TIAM1: variants seen among roughly 807,000 people sequenced by gnomAD.
The protein encoded by TIAM1 is TIAM Rac1 associated GEF 1, also known as rho guanine nucleotide exchange factor TIAM1.
In TIAM1, 65 loss-of-function variants were observed where a neutral mutation model predicts 163.5. That is an observed-to-expected ratio of 0.40 (90% CI 0.33 to 0.49). TIAM1 has a LOEUF of 0.49. Among genes scored for constraint, TIAM1 ranks in the 20% least tolerant of loss-of-function variants. TIAM1 has a pLI of 0.77. For missense variants in TIAM1, 1,789 were observed against 2,044.7 expected (o/e 0.87, Z 2.41); for synonymous variants, 833 against 810.1 (o/e 1.03, Z -0.48).
chr21:31,120,866 A>T lies in TIAM1; in HGVS notation c.4307-29T>A. 2.1e-5 allele frequency: 32 copies of T among 1,553,978 alleles called. No individual in the cohort carries two copies. Among genetic ancestry groups the T allele is most frequent in the Non-Finnish European group, 2.7e-5 (31 of 1,152,594 alleles). The stretch of plus-strand genomic sequence containing the variant: ...CACACACACACAAAAATATAAAAAT[A>T]AAACCCCCACATGCTTTACGTGAGA... On this transcript the variant is annotated intron_variant, in intron 27 of 27. Transcript: ENST00000541036. This position sits in a 1 kb window ranked among gnomAD's most constrained non-coding sequence, Gnocchi z 4.2.
At chr21:31,461,822 T>C (rs748721174) in intron 2 of TIAM1, among the ~76,000 whole-genome samples, 3 of 152,124 alleles carry the variant, frequency 2.0e-5, no homozygotes, top group African/African-American at 7.2e-5. Flanking sequence ...TGCGCTACTA[T>C]GCCTGGCTAA....
At chr21:31,306,695 T>C (rs945082820) in intron 2 of TIAM1, among the ~76,000 whole-genome samples, 3 of 152,224 alleles carry the variant, frequency 2.0e-5, no homozygotes, top group Non-Finnish European at 4.4e-5. Flanking sequence ...AGGGGCATTC[T>C]ACACAACAAC....
intron 1 of TIAM1, among the ~76,000 whole-genome samples, chr21:31,542,923 GCGCCACGGAACTC>G (rs1420139490): frequency 6.6e-6 from 1 of 152,070 alleles, no homozygotes; most frequent in Non-Finnish European, 1.5e-5. Flanking sequence ...AGCCGAGACT[GCGCCACGGAACTC>G]CAGCCTGGGT....
intron 2 of TIAM1, among the ~76,000 whole-genome samples, chr21:31,397,472 T>C (rs907252295): frequency 2.6e-5 from 4 of 152,104 alleles, no homozygotes; most frequent in African/African-American, 9.7e-5. Flanking sequence ...GAAACCAATA[T>C]ACAAAAATCT....
intron 1 of TIAM1, among the ~76,000 whole-genome samples, chr21:31,482,060 A>AGAGTGT (rs2046125466): frequency 1.4e-5 from 2 of 145,604 alleles, no homozygotes. Context: ...ACTGGGACAA[A>AGAGTGT]GTGTGTGTGT....
At chr21:31,127,380 G>C (rs1404953464) in intron 25 of TIAM1, among the ~76,000 whole-genome samples, 1 of 151,564 alleles carries the variant, frequency 6.6e-6, no homozygotes, top group Non-Finnish European at 1.5e-5. Flanking sequence ...AAATCTTCTA[G>C]ATGGTCTAAA....
chr21:31,387,951 T>C (rs1214174316), intron 2 of TIAM1, among the ~76,000 whole-genome samples: 1 of 152,076 alleles, frequency 6.6e-6, no homozygotes, highest in East Asian at 1.9e-4. Flanking sequence ...TGTGACACAA[T>C]GGTGAGTTCT....
At chr21:31,152,888 C>A (rs149439706) in intron 18 of TIAM1, 127 bp from the exon 19 acceptor site, 3 of 1,403,026 alleles carry the variant, frequency 2.1e-6, no homozygotes, top group African/African-American at 2.9e-5. Context: ...TACCAGAGAG[C>A]GGGGCAGTTT....
intron 1 of TIAM1, among the ~76,000 whole-genome samples, chr21:31,505,330 C>T (rs1412522309): frequency 6.6e-6 from 1 of 152,020 alleles, no homozygotes; most frequent in Non-Finnish European, 1.5e-5. Context: ...TAATTAGATT[C>T]TAAGACCAAG....
intron 11 of TIAM1, among the ~76,000 whole-genome samples, 154 bp from the exon 12 acceptor site, chr21:31,203,166 AG>A (rs2086288173): frequency 6.6e-6 from 1 of 152,216 alleles, no homozygotes; most frequent in Non-Finnish European, 1.5e-5. Flanking sequence ...CTTGTTGCCC[AG>A]CCTGGAGTGC....
intron 2 of TIAM1, among the ~76,000 whole-genome samples, chr21:31,441,519 T>C (rs1292458052): frequency 2.0e-5 from 3 of 152,202 alleles, no homozygotes; most frequent in Non-Finnish European, 4.4e-5. Flanking sequence ...AAGTTGGCGA[T>C]AGCAGAGCCA....
At chr21:31,129,743 G>T (rs1316848602) in intron 25 of TIAM1, among the ~76,000 whole-genome samples, 1 of 152,132 alleles carries the variant, frequency 6.6e-6, no homozygotes, top group Non-Finnish European at 1.5e-5. Context: ...ATAAAGATTT[G>T]TAATACTTTA....
rs539796779 is a variant in TIAM1, at chr21:31,451,592, C to G, written c.-369+12391G>C. ...ATGGGAAATGTGGCCAAGGACATCC[C>G]AGGAAGGACAGACAAGCTCCAAACC... On this transcript the variant is annotated intron_variant, in intron 2 of 28. Coordinates refer to the TIAM1 transcript ENST00000286827. Among the ~76,000 whole-genome samples the G allele has an allele frequency of 3.9e-5, 6 of 152,112 alleles. No homozygotes were observed. The East Asian group carries it at 1.2e-3, about 29-fold the overall frequency.
chr21:31,385,869 TTAATTATATTAGTTAATA>T lies in TIAM1; in HGVS notation c.-368-46465_-368-46448del, dbSNP rs1013896045. On this transcript the variant is annotated intron_variant, in intron 2 of 28. Coordinates refer to the TIAM1 transcript ENST00000286827. Reference sequence around the variant, plus strand: ...ATATATAATACATATTGATTATATATTAATTATATTAGTTAATATAATTATATTAGTTAATATAATTAA... The same window carrying T: ...ATATATAATACATATTGATTATATATTAATTATATTAGTTAATATAATTAA... Among the ~76,000 whole-genome samples the T allele has an allele frequency of 2.1e-3, 308 of 147,168 alleles. 1 individual carries two copies. Among genetic ancestry groups the T allele is most frequent in the African/African-American group, 6.7e-3 (271 of 40,636 alleles).
In TIAM1 at chr21:31,325,045, C is replaced by T. The variant is rs1392722257; in HGVS notation, c.-189+14198G>A. The stretch of plus-strand genomic sequence containing the variant: ...CTGTAATCCCAGCACTTTGGGAGGC[C>T]GAGGCAGGCAGATCACTTGAGCCCA... On this transcript the variant is annotated intron_variant, in intron 2 of 27. Transcript: ENST00000541036. Among the ~76,000 whole-genome samples, 4 of 151,644 alleles carry T rather than the reference C, an allele frequency of 2.6e-5. No homozygotes were observed. The East Asian group carries it at 7.7e-4, about 29-fold the overall frequency.
intron 19 of TIAM1, among the ~76,000 whole-genome samples, chr21:31,148,335 A>G (rs144670481): frequency 5.3e-4 from 80 of 152,264 alleles, no homozygotes; most frequent in African/African-American, 1.8e-3. Context: ...ATGATAGCGA[A>G]TAAGTCTCAG....
intron 2 of TIAM1, among the ~76,000 whole-genome samples, chr21:31,429,143 G>A (rs572941360): frequency 4.9e-4 from 75 of 152,124 alleles, no homozygotes; most frequent in Middle Eastern, 3.4e-3. Flanking sequence ...GGGACCACAG[G>A]TGTGCACATG....
intron 8 of TIAM1, among the ~76,000 whole-genome samples, chr21:31,218,946 A>G (rs2833340): frequency 0.096 from 14,494 of 151,738 alleles, 1,173 homozygotes; most frequent in East Asian, 0.4. Flanking sequence ...TGGGAAAGAA[A>G]ACTTGTATTT....
At chr21:31,532,175 T>A (rs1399595266) in intron 1 of TIAM1, among the ~76,000 whole-genome samples, 1 of 152,158 alleles carries the variant, frequency 6.6e-6, no homozygotes, top group Non-Finnish European at 1.5e-5. Flanking sequence ...TTCACTCTCC[T>A]ACAGAGCCAT....
Sources: gnomAD v4.1 joint callset for allele counts (sites outside exome capture counted in the v4.1 genomes callset) on GRCh38, gnomAD v4.1.1 for gene constraint, Gnocchi (gnomAD v3.1) non-coding constraint, MANE v1.5 for transcripts, NCBI Gene and HGNC (gene_info 2026-07-23, HGNC 2026-07-21) for gene names.